Variants in SVIL observed in about 807,000 individuals in gnomAD.
SVIL encodes the protein supervillin, also known as archvillin.
Under a neutral mutation model 240.4 loss-of-function variants are expected in SVIL, and 101 were observed. That is an observed-to-expected ratio of 0.42 (90% CI 0.36 to 0.50). The LOEUF (loss-of-function observed/expected upper bound fraction) is 0.50, where lower values mean the gene tolerates loss of function less well. SVIL is among the 20% of genes least tolerant of loss of function. The pLI is 0.01. For synonymous variants in SVIL, 999 were observed against 1,100.0 expected (o/e 0.91, Z 1.82); for missense variants, 2,512 against 2,818.7 (o/e 0.89, Z 2.46).
At chr10:29,707,247 G>T (rs760364368) in intron 1 of SVIL, among the ~76,000 whole-genome samples, 2 of 152,160 alleles carry the variant, frequency 1.3e-5, no homozygotes, top group African/African-American at 2.4e-5. Context: ...CCATTTTCAC[G>T]ATATTGATTC....
At position 29,550,963 on chromosome 10, in the gene SVIL, T is replaced by A; in HGVS notation, c.461A>T (p.Asp154Val). The change falls in exon 6 of 38, where the codon GAC (aspartate) becomes GTC (valine). Residue 154 changes from aspartate to valine, a missense_variant. By Grantham distance (152) the Asp-to-Val change is radical. This residue lies in a region of SVIL where 1,443 missense variants were observed against 1,486.6 expected (regional missense o/e 0.97). Transcript: ENST00000355867. ...ATCTCTGCTTGACTCTTCCTGTTTG[T>A]CACTTTTTCCTCCCCGCTTCTCGAC... is the stretch of plus-strand genomic sequence containing the variant. ...DAVEKRGGKS[D>V]KQEESSRDAS... 1.2e-6 allele frequency: 2 copies of A among 1,614,118 alleles called. No homozygotes were observed. The highest frequency in any genetic ancestry group is 2.2e-5 in the South Asian group (2 of 91,074).
intron 1 of SVIL, among the ~76,000 whole-genome samples, chr10:29,577,462 C>T (rs1955751832): frequency 6.6e-6 from 1 of 152,186 alleles, no homozygotes; most frequent in Non-Finnish European, 1.5e-5. Flanking sequence ...AGTTACTTCA[C>T]TTAGAATAAT....
upstream of SVIL, among the ~76,000 whole-genome samples, chr10:29,639,356 C>T (rs950343375): frequency 6.6e-6 from 1 of 151,854 alleles, no homozygotes; most frequent in South Asian, 2.1e-4. Flanking sequence ...ATTTTTAGTA[C>T]GACGGGGTTT....
chr10:29,688,989 A>G (rs2132608326), intron 1 of SVIL, among the ~76,000 whole-genome samples: 1 of 152,334 alleles, frequency 6.6e-6, no homozygotes. Context: ...CATATGGATG[A>G]AGATACTGAA....
At chr10:29,460,698 C>T (rs1198811033) in intron 36 of SVIL, among the ~76,000 whole-genome samples, 1 of 152,098 alleles carries the variant, frequency 6.6e-6, no homozygotes, top group Non-Finnish European at 1.5e-5. Flanking sequence ...GGCTTGAGCT[C>T]AGGAGTTCAA....
At chr10:29,584,556 G>C (rs750340101) in intron 1 of SVIL, among the ~76,000 whole-genome samples, 19 of 152,286 alleles carry the variant, frequency 1.2e-4, no homozygotes, top group East Asian at 3.9e-4. Flanking sequence ...AGCGGTTGTG[G>C]TTCTCCCACT....
chr10:29,504,157 A>G (rs536172111), intron 17 of SVIL, among the ~76,000 whole-genome samples: 44 of 152,332 alleles, frequency 2.9e-4, no homozygotes, highest in African/African-American at 1.0e-3. Context: ...AAAAAAAACT[A>G]GATACAAATT....
intron 1 of SVIL, among the ~76,000 whole-genome samples, chr10:29,622,176 G>A (rs1310408747): frequency 1.4e-5 from 2 of 146,824 alleles, no homozygotes; most frequent in Non-Finnish European, 3.0e-5. Context: ...CGTGAACCCG[G>A]GAGGCGGAGC....
At chr10:29,478,839 G>T (rs1946494153) in intron 29 of SVIL, among the ~76,000 whole-genome samples, 1 of 149,956 alleles carries the variant, frequency 6.7e-6, no homozygotes, top group African/African-American at 2.5e-5. Flanking sequence ...GCACGAGGAT[G>T]GCTTGAGCCT....
intron 3 of SVIL, among the ~76,000 whole-genome samples, chr10:29,653,395 T>C (rs1315351781): frequency 6.6e-6 from 1 of 152,120 alleles, no homozygotes; most frequent in Non-Finnish European, 1.5e-5. Flanking sequence ...CTGAGGCCTC[T>C]GCAACCATGC....
At chr10:29,463,708 C>T in intron 34 of SVIL, 73 bp from the exon 35 acceptor site, 1 of 1,560,080 alleles carries the variant, frequency 6.4e-7, no homozygotes, top group South Asian at 1.2e-5. Flanking sequence ...CCTCCCCCAA[C>T]CTAGTGGATG....
chr10:29,644,790 G>A (rs753610790), intron 3 of SVIL, among the ~76,000 whole-genome samples: 2 of 152,130 alleles, frequency 1.3e-5, no homozygotes, highest in Non-Finnish European at 2.9e-5. Context: ...CAGCACGAGT[G>A]GGAACTTCCT....
intron 1 of SVIL, among the ~76,000 whole-genome samples, chr10:29,594,264 TAAAA>T (rs199543285): frequency 1.1e-5 from 1 of 88,774 alleles, no homozygotes; most frequent in Non-Finnish European, 2.4e-5. Context: ...TATTCCAAAA[TAAAA>T]AAAAATTCTA....
intron 34 of SVIL, among the ~76,000 whole-genome samples, chr10:29,464,973 G>A (rs1169240673): frequency 6.6e-6 from 1 of 152,188 alleles, no homozygotes; most frequent in Non-Finnish European, 1.5e-5. Context: ...TGGCTCTGCT[G>A]TGGAGACTTG....
At chr10:29,705,882 T>C (rs1962857461) in intron 1 of SVIL, among the ~76,000 whole-genome samples, 1 of 152,246 alleles carries the variant, frequency 6.6e-6, no homozygotes, top group Admixed American at 6.5e-5. Context: ...TTGTCCAGGC[T>C]ATCACTGATG....
chr10:29,633,694 A>G (rs766015287), intron 1 of SVIL, among the ~76,000 whole-genome samples: 1 of 152,200 alleles, frequency 6.6e-6, no homozygotes, highest in Non-Finnish European at 1.5e-5. Context: ...CAACACGTCA[A>G]ATAAGCCTTC....
At chr10:29,584,229 T>A (rs1956066693) in intron 1 of SVIL, among the ~76,000 whole-genome samples, 1 of 152,160 alleles carries the variant, frequency 6.6e-6, no homozygotes, top group African/African-American at 2.4e-5. Flanking sequence ...GGGCGTGGGC[T>A]TAAATGGTCC....
In SVIL at chr10:29,524,625, G is replaced by A. The variant is rs772439613; in HGVS notation, c.2433C>T (p.Ser811=). Residue 811 remains serine (S), a synonymous_variant, in exon 14 of 38, where the codon TCC becomes TCT. Coordinates refer to ENST00000355867, the MANE Select transcript of SVIL (RefSeq NM_021738.3). ...CCAACTTTTCGGCCAAGCTTAGAGT[G>A]GAGGAATCAGGTTCTCCTTGCTCAG... ...ELAEQGEPDS[S]TLSLAEKLAL... is the part of the protein sequence containing the mutation. The A allele has an allele frequency of 8.1e-6, 13 of 1,614,030 alleles. No individual in the cohort carries two copies. The highest frequency in any genetic ancestry group is 1.1e-5 in the Non-Finnish European group (13 of 1,180,042).
intron 29 of SVIL, 77 bp from the exon 30 acceptor site, chr10:29,474,066 C>A: frequency 1.3e-6 from 2 of 1,555,014 alleles, no homozygotes; most frequent in Non-Finnish European, 1.7e-6. Flanking sequence ...GCTCACTTTC[C>A]CCGGGCCTGC....
Sources: allele counts gnomAD v4.1 joint callset (sites outside exome capture counted in the v4.1 genomes callset), GRCh38; gene constraint gnomAD v4.1.1; regional missense constraint gnomAD v4.1.1; transcripts MANE v1.5; gene names NCBI Gene and HGNC (gene_info 2026-07-23, HGNC 2026-07-21).